The following HEPH variants were observed in gnomAD, a reference collection of about 807,000 sequenced individuals.
The protein encoded by HEPH is hephaestin.
A neutral mutation model predicts 80.8 loss-of-function variants in HEPH; 69 were observed. The ratio of observed to expected loss-of-function variants is 0.85; its 90% CI spans 0.70 to 1.04. The LOEUF (loss-of-function observed/expected upper bound fraction) is 1.04. Among genes scored for constraint, HEPH ranks in the 50% least tolerant of loss-of-function variants. The pLI is 0.00. For missense variants in HEPH, 1,115 were observed against 891.3 expected (o/e 1.25, Z -3.20); for synonymous variants, 431 against 322.8 (o/e 1.34, Z -3.60).
At chrX:66,212,599 C>G (rs191600686) in intron 15 of HEPH, among the ~76,000 whole-genome samples, 5 of 111,798 alleles carry the variant, frequency 4.5e-5, no homozygotes, top group Middle Eastern at 4.7e-3. Context: ...AAGTTTTTGT[C>G]AGTTTTGTCA....
chrX:66,181,000 C>A lies in HEPH; in HGVS notation c.625+7199C>A, dbSNP rs1421480543. On this transcript the variant is annotated intron_variant, in intron 4 of 20. Coordinates refer to ENST00000343002, the MANE Select transcript of HEPH (RefSeq NM_001367233.3). The stretch of plus-strand genomic sequence containing the variant: ...TACTGAGAATGATGGTTTCCAGTTT[C>A]ATCCATGTCCCTACAAAGGACATGA... Among the ~76,000 whole-genome samples the A allele has an allele frequency of 4.1e-5, 4 of 97,059 alleles. No homozygotes were observed. In the Admixed American group the frequency reaches 4.6e-4, roughly 11 times the overall value. 84.3% of individuals were successfully genotyped at this position (97,059 alleles called of 115,157 possible).
rs748740073 is a variant in HEPH at position 66,173,641 on chromosome X, T to TC, written c.470dup (p.Ser160GlnfsTer18). 3 of 1,208,454 alleles carry TC rather than the reference T, an allele frequency of 2.5e-6. No individual in the cohort carries two copies. Among genetic ancestry groups the TC allele is most frequent in the Non-Finnish European group, 3.4e-6 (3 of 894,550 alleles). On this transcript the variant is annotated frameshift_variant, in exon 4 of 21. Transcript: ENST00000343002. LOFTEE classifies it high-confidence loss of function. ...GGCCACTGAAAGCTGATGACTCTGT[T>TC]CCCCCGGGGGGCAGCCATATCTACA... is the stretch of plus-strand genomic sequence containing the variant.
intron 4 of HEPH, among the ~76,000 whole-genome samples, chrX:66,178,974 C>T (rs7884349): frequency 0.023 from 2,599 of 111,632 alleles, 82 homozygotes; most frequent in African/African-American, 0.08. Context: ...CCAATTTTGG[C>T]TTTTGTTACC....
intron 17 of HEPH, 34 bp downstream of exon 17, chrX:66,256,364 C>A (rs756491596): frequency 7.8e-6 from 8 of 1,027,983 alleles, no homozygotes; most frequent in Non-Finnish European, 1.1e-5. Context: ...TGTTCCAAAG[C>A]AGTCCCTACT....
chrX:66,225,601 G>T (rs946302194), intron 15 of HEPH, among the ~76,000 whole-genome samples: 5 of 112,582 alleles, frequency 4.4e-5, no homozygotes, highest in Admixed American at 9.4e-5. Flanking sequence ...GACTCCAGGT[G>T]CCATTTCCTT....
chrX:66,265,330 T>C (rs2091502486), intron 20 of HEPH, among the ~76,000 whole-genome samples: 1 of 110,997 alleles, frequency 9.0e-6, no homozygotes, highest in African/African-American at 3.3e-5. Context: ...TAATGCTGGA[T>C]GCTGTGTGCT....
intron 1 of HEPH, among the ~76,000 whole-genome samples, chrX:66,167,575 C>A (rs1206007605): frequency 8.9e-6 from 1 of 112,014 alleles, no homozygotes; most frequent in Non-Finnish European, 1.9e-5. Flanking sequence ...TGGAATGAAC[C>A]GAGGACACTC....
chrX:66,204,557 T>C (rs57613457), intron 13 of HEPH, among the ~76,000 whole-genome samples: 5,955 of 112,403 alleles, frequency 0.053, 423 homozygotes, highest in African/African-American at 0.18. Context: ...TGCTAAGTTT[T>C]CTGTAAACAG....
At chrX:66,203,661 C>A in intron 13 of HEPH, 84 bp downstream of exon 13, 2 of 826,101 alleles carry the variant, frequency 2.4e-6, no homozygotes, top group South Asian at 4.9e-5. Flanking sequence ...TGAGGAGACT[C>A]TTATCTCAGG....
intron 2 of HEPH, chrX:66,171,094 T>C (rs773801583): frequency 8.7e-5 from 28 of 321,926 alleles, no homozygotes; most frequent in Non-Finnish European, 1.5e-4. Context: ...TATGCTTCTA[T>C]AGTTTGGTGA....
At chrX:66,222,665 C>G (rs1016790305) in intron 15 of HEPH, among the ~76,000 whole-genome samples, 1 of 111,638 alleles carries the variant, frequency 9.0e-6, no homozygotes, top group Non-Finnish European at 1.9e-5. Context: ...GGGAGCAAGA[C>G]TCCTGGTTGA....
chrX:66,186,411 G>A (rs371366840), intron 4 of HEPH, among the ~76,000 whole-genome samples: 5 of 111,805 alleles, frequency 4.5e-5, no homozygotes, highest in South Asian at 3.8e-4. Flanking sequence ...CGTGGTGCGC[G>A]GTTTCTTAAG....
intron 15 of HEPH, among the ~76,000 whole-genome samples, chrX:66,248,708 T>C (rs975347327): frequency 8.9e-6 from 1 of 112,131 alleles, no homozygotes. Context: ...ACAAAAGCTA[T>C]GGCCACAATG....
chrX:66,251,435 A>G (rs2091001756), intron 15 of HEPH, among the ~76,000 whole-genome samples: 1 of 111,702 alleles, frequency 9.0e-6, no homozygotes, highest in Non-Finnish European at 1.9e-5. Flanking sequence ...TTTGATTTGC[A>G]TTTTCCAAAT....
chrX:66,226,616 C>G (rs1009449346), intron 15 of HEPH, among the ~76,000 whole-genome samples: 4 of 111,897 alleles, frequency 3.6e-5, no homozygotes, highest in African/African-American at 1.3e-4. Flanking sequence ...GATATTACAA[C>G]TGATACCATA....
chrX:66,263,820 C>A, intron 20 of HEPH, 132 bp downstream of exon 20: 1 of 602,288 alleles, frequency 1.7e-6, no homozygotes, highest in Non-Finnish European at 2.6e-6. Context: ...TATCCTGAGA[C>A]TTCTGCAAGA....
chrX:66,164,509 C>T (rs767134463), intron 1 of HEPH, 39 bp downstream of exon 1: 6 of 747,690 alleles, frequency 8.0e-6, no homozygotes, highest in Non-Finnish European at 9.5e-6. Flanking sequence ...TCTACCTCAC[C>T]TGCCTTCCTG....
chrX:66,223,971 C>T (rs754705982), intron 15 of HEPH, among the ~76,000 whole-genome samples: 1 of 111,422 alleles, frequency 9.0e-6, no homozygotes. Flanking sequence ...CATGCCTTAA[C>T]TTTCTGACTT....
chrX:66,255,358 AT>A (rs1356014585), intron 16 of HEPH, among the ~76,000 whole-genome samples: 1 of 104,168 alleles, frequency 9.6e-6, no homozygotes, highest in African/African-American at 3.5e-5. Flanking sequence ...TTATCTTTTC[AT>A]TTTGGATCCT....
Sources: gnomAD v4.1 joint callset for allele counts (sites outside exome capture counted in the v4.1 genomes callset) on GRCh38, gnomAD v4.1.1 for gene constraint, MANE v1.5 for transcripts, NCBI Gene and HGNC (gene_info 2026-07-23, HGNC 2026-07-21) for gene names.